The following COL18A1 variants were observed in gnomAD, a reference collection of about 807,000 sequenced individuals.
The protein encoded by COL18A1 is collagen alpha-1(XVIII) chain.
Under a neutral mutation model 168.0 loss-of-function variants are expected in COL18A1, and 133 were observed. The ratio of observed to expected loss-of-function variants is 0.79; its 90% CI spans 0.69 to 0.91. COL18A1 has a LOEUF of 0.91. Among genes scored for constraint, COL18A1 ranks in the 40% least tolerant of loss-of-function variants. COL18A1 has a pLI of 0.00. For synonymous variants in COL18A1, 949 were observed against 809.0 expected, an observed-to-expected ratio of 1.17 and a Z score of -2.94; for missense variants, 2,126 against 1,925.4, an observed-to-expected ratio of 1.10 and a Z score of -1.95.
At chr21:45,455,039 G>A (rs2034747391) in intron 2 of COL18A1, among the ~76,000 whole-genome samples, 1 of 152,258 alleles carries the variant, frequency 6.6e-6, no homozygotes, top group Non-Finnish European at 1.5e-5. Flanking sequence ...AATTGGCACT[G>A]CAGCAAGCTG....
At chr21:45,428,306 C>T (rs1049224957) in intron 2 of COL18A1, among the ~76,000 whole-genome samples, 1 of 152,150 alleles carries the variant, frequency 6.6e-6, no homozygotes, top group Non-Finnish European at 1.5e-5. Flanking sequence ...CAGGGGCACC[C>T]TCAGCTGACC....
chr21:45,428,054 G>A (rs1488667574), intron 2 of COL18A1, among the ~76,000 whole-genome samples: 1 of 152,182 alleles, frequency 6.6e-6, no homozygotes, highest in African/African-American at 2.4e-5. Flanking sequence ...GCCGGCCAAG[G>A]CCCGTCGGCA....
In COL18A1 at chr21:45,505,377, TCCGGGCCCC is replaced by T. The variant is rs749431242; in HGVS notation, c.3036_3044del (p.Pro1020_Gly1022del). On this transcript the variant is annotated inframe_deletion, in exon 36 of 42. Transcript: ENST00000651438. ...CTGCAGCTATCAGCGTTCCCGGCCC[TCCGGGCCCC>T]CCTGGGCCCCCTGGGCCCCCTGGAA... 3.8e-6 allele frequency: 6 copies of T among 1,591,126 alleles called. No homozygotes were observed. The highest frequency in any genetic ancestry group is 4.3e-6 in the Non-Finnish European group (5 of 1,162,220).
chr21:45,467,125 TC>T, intron 2 of COL18A1: 1 of 636,756 alleles, frequency 1.6e-6, no homozygotes, highest in Non-Finnish European at 2.0e-6. Context: ...AAGCCCGGGC[TC>T]TGCCTGGCAC....
At chr21:45,448,425 A>G (rs1343019901) in intron 2 of COL18A1, among the ~76,000 whole-genome samples, 1 of 152,242 alleles carries the variant, frequency 6.6e-6, no homozygotes, top group African/African-American at 2.4e-5. Flanking sequence ...ACCCATGCAC[A>G]CATTCACACA....
At chr21:45,454,404 G>T (rs942714175) in intron 2 of COL18A1, among the ~76,000 whole-genome samples, 1 of 152,194 alleles carries the variant, frequency 6.6e-6, no homozygotes, top group Non-Finnish European at 1.5e-5. Flanking sequence ...ACAGCCTGGA[G>T]GAGGCAGGGT....
chr21:45,413,736 A>C (rs541830353), intron 2 of COL18A1, among the ~76,000 whole-genome samples: 1 of 151,728 alleles, frequency 6.6e-6, no homozygotes, highest in African/African-American at 2.4e-5. Context: ...CTGGGCACTG[A>C]GGGAAGCAAA....
At chr21:45,509,873 CGGGGCTGCTCTGACCTGGCAGCGTATG>C (rs2037470171) in intron 39 of COL18A1, among the ~76,000 whole-genome samples, 164 bp from the exon 40 acceptor site, 1 of 152,204 alleles carries the variant, frequency 6.6e-6, no homozygotes, top group South Asian at 2.1e-4. Flanking sequence ...CCACGTGGCC[CGGGGCTGCTCTGACCTGGCAGCGTATG>C]GGGGCTGCTG....
At chr21:45,472,367 G>T (rs1316652985) in intron 3 of COL18A1, among the ~76,000 whole-genome samples, 1 of 152,210 alleles carries the variant, frequency 6.6e-6, no homozygotes, top group Non-Finnish European at 1.5e-5. Context: ...GGGACTACAG[G>T]CGCCCGCCAC....
chr21:45,510,072 G>C lies in COL18A1; in HGVS notation c.3504G>C (p.Leu1168=), dbSNP rs2037486544. ...SHRDFQPVLH[L]VALNSPLSGG... ...CGCCCCTCTCCCCGCAGCTCCACCTGGTTGCGCTCAACAGCCCCCTGTCAG... is the reference window on the plus strand; with the variant it reads ...CGCCCCTCTCCCCGCAGCTCCACCTCGTTGCGCTCAACAGCCCCCTGTCAG... Residue 1168 remains leucine (L), a synonymous_variant, in exon 40 of 42, where the codon CTG becomes CTC. Coordinates refer to ENST00000651438, the MANE Select transcript of COL18A1 (RefSeq NM_001379500.1). 1 of 1,571,870 alleles carries C rather than the reference G, an allele frequency of 6.4e-7. No individual in the cohort carries two copies. The highest frequency in any genetic ancestry group is 8.6e-7 in the Non-Finnish European group (1 of 1,163,464).
Position 45,497,614 on chromosome 21 carries a change from C to G in COL18A1, c.2636C>G (p.Pro879Arg). ...PPGLPGNQGP[P>R]GPKGAKGEVG... ...CTTCCTCCAGGGAATCAGGGCCCTCCAGGACCCAAGGGCGCCAAAGGAGAA... is the reference window on the plus strand; with the variant it reads ...CTTCCTCCAGGGAATCAGGGCCCTCGAGGACCCAAGGGCGCCAAAGGAGAA... The change falls in exon 32 of 42, where the codon CCA becomes CGA. Residue 879 changes from proline to arginine, a missense_variant. Physicochemically the swap from Pro to Arg is moderately radical, Grantham distance 103. Coordinates refer to ENST00000651438, the MANE Select transcript of COL18A1 (RefSeq NM_001379500.1). The G allele has an allele frequency of 1.3e-6, 2 of 1,566,014 alleles. No homozygotes were observed. Among genetic ancestry groups the G allele is most frequent in the Non-Finnish European group, 1.7e-6 (2 of 1,155,792 alleles).
intron 2 of COL18A1, among the ~76,000 whole-genome samples, chr21:45,436,547 CAGGCCACGTGG>C (rs1193316912): frequency 2.0e-5 from 3 of 152,112 alleles, no homozygotes; most frequent in African/African-American, 4.8e-5. Flanking sequence ...GCCTGTGCCT[CAGGCCACGTGG>C]AGGCCACATG....
At chr21:45,488,218 C>T (rs1405223543) in intron 17 of COL18A1, among the ~76,000 whole-genome samples, 200 bp from the exon 18 acceptor site, 3 of 152,270 alleles carry the variant, frequency 2.0e-5, no homozygotes, top group African/African-American at 4.8e-5. Context: ...TGGAGCAAAA[C>T]GAATGAGAAA....
chr21:45,452,910 C>T (rs918418108), intron 2 of COL18A1, among the ~76,000 whole-genome samples: 1 of 149,888 alleles, frequency 6.7e-6, no homozygotes, highest in African/African-American at 2.5e-5. Context: ...CATGTATGTA[C>T]ATGTGTGTGA....
At chr21:45,438,108 TCA>T (rs2034243966) in intron 2 of COL18A1, among the ~76,000 whole-genome samples, 1 of 45,688 alleles carries the variant, frequency 2.2e-5, no homozygotes, top group Admixed American at 2.2e-4. Context: ...ACACTCACAC[TCA>T]GACACACAGG....
At chr21:45,445,314 T>C (rs887054231) in intron 2 of COL18A1, among the ~76,000 whole-genome samples, 4 of 152,180 alleles carry the variant, frequency 2.6e-5, no homozygotes, top group Non-Finnish European at 5.9e-5. Context: ...CACTGAATAA[T>C]GTCCCACCAG....
In COL18A1 at chr21:45,473,921, C is replaced by T; in HGVS notation, c.678C>T (p.Arg226=). 6.2e-7 allele frequency: 1 copy of T among 1,605,316 alleles called. No homozygotes were observed. The highest frequency in any genetic ancestry group is 8.5e-7 in the Non-Finnish European group (1 of 1,176,134). ...FQGVIAELKV[R]RDPQVSPMHC... is the part of the protein sequence containing the mutation. ...GGGTGATCGCTGAGCTGAAGGTGCGCAGGGACCCCCAGGTGAGCCCCATGC... is the reference window on the plus strand; with the variant it reads ...GGGTGATCGCTGAGCTGAAGGTGCGTAGGGACCCCCAGGTGAGCCCCATGC... Residue 226 remains arginine, a synonymous_variant, in exon 4 of 42, where the codon CGC becomes CGT. Coordinates refer to ENST00000651438, the MANE Select transcript of COL18A1 (RefSeq NM_001379500.1). The surrounding 1 kb of genome is among the most constrained non-coding windows in gnomAD (Gnocchi z 4.0).
At chr21:45,502,507 C>T (rs1448426716) in intron 32 of COL18A1, 1 of 152,116 alleles carries the variant, frequency 6.6e-6, no homozygotes, top group African/African-American at 2.4e-5. Flanking sequence ...TATTAAACAT[C>T]AAAAATGAGT....
In COL18A1 at chr21:45,474,030, C is replaced by T. The variant is rs1036648801; in HGVS notation, c.738+49C>T. ...TGGGGTCTCCCCTCAATCCCTGGCA[C>T]GCGGAGTTCAGGGCCAAGGTCTATG... On this transcript the variant is annotated intron_variant, in intron 4 of 41. Coordinates refer to ENST00000651438, the MANE Select transcript of COL18A1 (RefSeq NM_001379500.1). The T allele has an allele frequency of 1.4e-5, 21 of 1,455,790 alleles. No individual in the cohort carries two copies. The African/African-American group carries it at 1.5e-4, about 11-fold the overall frequency. 90.2% of individuals were successfully genotyped at this position (1,455,790 alleles called of 1,614,324 possible). A position where few individuals can be genotyped will look rare whatever the true frequency, so the allele number is the denominator to read the frequency against.
Sources: allele counts gnomAD v4.1 joint callset (sites outside exome capture counted in the v4.1 genomes callset), GRCh38; gene constraint gnomAD v4.1.1; non-coding constraint Gnocchi (gnomAD v3.1); transcripts MANE v1.5; gene names NCBI Gene and HGNC (gene_info 2026-07-23, HGNC 2026-07-21).